Variants in SPPL3 observed in about 807,000 individuals in gnomAD.
SPPL3 encodes the protein signal peptide peptidase like 3.
Under a neutral mutation model 42.4 loss-of-function variants are expected in SPPL3, and 5 were observed. The ratio of observed to expected loss-of-function variants is 0.12; its 90% CI spans 0.06 to 0.25. The LOEUF is 0.25. SPPL3 is among the 10% of genes least tolerant of loss of function. SPPL3 has a pLI of 1.00. For missense variants in SPPL3, 235 were observed against 489.0 expected (o/e 0.48, Z 4.90); for synonymous variants, 195 against 181.8 (o/e 1.07, Z -0.58).
intron 3 of SPPL3, among the ~76,000 whole-genome samples, chr12:120,787,309 A>C (rs1487904904): frequency 6.6e-6 from 1 of 152,240 alleles, no homozygotes; most frequent in African/African-American, 2.4e-5. Flanking sequence ...TTATAACTGA[A>C]GTTTAGTAAA....
intron 6 of SPPL3, among the ~76,000 whole-genome samples, chr12:120,774,844 T>C (rs1231200771): frequency 6.6e-6 from 1 of 152,086 alleles, no homozygotes; most frequent in Non-Finnish European, 1.5e-5. Flanking sequence ...GACTCTCTCT[T>C]ATAGGTTTAC....
intron 2 of SPPL3, among the ~76,000 whole-genome samples, chr12:120,809,210 T>C (rs1419407576): frequency 6.6e-6 from 1 of 152,102 alleles, no homozygotes. Context: ...CCAGGCGTGG[T>C]GGCGGGCGCC....
chr12:120,870,237 G>A (rs1872880130), intron 1 of SPPL3, among the ~76,000 whole-genome samples: 1 of 152,172 alleles, frequency 6.6e-6, no homozygotes, highest in South Asian at 2.1e-4. Context: ...CCTGAGGTCA[G>A]GAGTTTGAGA....
rs188972096 is a variant in SPPL3, at chr12:120,769,276, T to C, written c.503-217A>G. 624 of 458,908 alleles carry C rather than the reference T, an allele frequency of 1.4e-3. 6 individuals are homozygous for C. The highest frequency in any genetic ancestry group is 0.011 in the African/African-American group (555 of 50,592). 28.4% of individuals were successfully genotyped at this position (458,908 alleles called of 1,614,324 possible). On this transcript the variant is annotated intron_variant, in intron 6 of 10. Coordinates refer to ENST00000353487, the MANE Select transcript of SPPL3 (RefSeq NM_139015.5). Reference sequence around the variant, plus strand: ...TTTGGGGTGATTGCTTTCCTCCTCCTAGACATAGTGCTCGGCTGTTGGAGA... The same window carrying C: ...TTTGGGGTGATTGCTTTCCTCCTCCCAGACATAGTGCTCGGCTGTTGGAGA...
intron 1 of SPPL3, chr12:120,845,614 C>A: frequency 2.2e-6 from 1 of 452,476 alleles, no homozygotes; most frequent in South Asian, 2.3e-5. Context: ...TCTTTTCTGT[C>A]AAAAAGGCCC....
In SPPL3 at chr12:120,833,682, A is replaced by AG. The variant is rs1220010474; in HGVS notation, c.24-22797_24-22796insC. Among the ~76,000 whole-genome samples the AG allele has an allele frequency of 2.4e-3, 143 of 59,456 alleles. 5 individuals carry two copies. Among genetic ancestry groups the AG allele is most frequent in the Middle Eastern group, 9.6e-3 (1 of 104 alleles). 39.0% of individuals were successfully genotyped at this position (59,456 alleles called of 152,430 possible). ...TCCATCTCTCCAAAAAAAAAAAAAG[A>AG]AAAAAAAAAAAAGGAAAAAGAGAAA... is the stretch of plus-strand genomic sequence containing the variant. On this transcript the variant is annotated intron_variant, in intron 1 of 10. Transcript: ENST00000353487.
At chr12:120,856,900 T>C (rs1872477867) in intron 1 of SPPL3, among the ~76,000 whole-genome samples, 1 of 152,116 alleles carries the variant, frequency 6.6e-6, no homozygotes, top group African/African-American at 2.4e-5. Flanking sequence ...GAACTAGGAA[T>C]AGCAGTTGAA....
chr12:120,839,035 G>A (rs563929270), intron 1 of SPPL3, among the ~76,000 whole-genome samples: 1 of 152,064 alleles, frequency 6.6e-6, no homozygotes, highest in East Asian at 1.9e-4. Flanking sequence ...TATAAATCAC[G>A]CTGCTATAAA....
At chr12:120,858,006 A>G (rs919311682) in intron 1 of SPPL3, among the ~76,000 whole-genome samples, 1 of 140,598 alleles carries the variant, frequency 7.1e-6, no homozygotes, top group East Asian at 2.0e-4. Flanking sequence ...AATTTTCATT[A>G]AAAATGAACA....
chr12:120,818,914 A>T (rs1011628379), intron 1 of SPPL3, among the ~76,000 whole-genome samples: 1 of 152,260 alleles, frequency 6.6e-6, no homozygotes, highest in Non-Finnish European at 1.5e-5. Context: ...AACAGAACAA[A>T]AAAATTAAGC....
intron 3 of SPPL3, among the ~76,000 whole-genome samples, chr12:120,785,460 G>C (rs1182477814): frequency 1.3e-5 from 2 of 151,870 alleles, no homozygotes; most frequent in Non-Finnish European, 2.9e-5. Flanking sequence ...CCAGCTAAAA[G>C]CTCCTCACAA....
intron 1 of SPPL3, among the ~76,000 whole-genome samples, chr12:120,884,300 G>A (rs550973828): frequency 4.6e-5 from 7 of 151,926 alleles, no homozygotes; most frequent in African/African-American, 9.7e-5. Flanking sequence ...GTTCATGAGC[G>A]TTCATTATGC....
intron 3 of SPPL3, among the ~76,000 whole-genome samples, chr12:120,787,981 A>G (rs999954668): frequency 1.3e-5 from 2 of 152,232 alleles, no homozygotes; most frequent in African/African-American, 2.4e-5. Flanking sequence ...GCACTCTTGC[A>G]CATGACTTGA....
At chr12:120,797,220 A>G (rs1467164758) in intron 2 of SPPL3, among the ~76,000 whole-genome samples, 2 of 152,124 alleles carry the variant, frequency 1.3e-5, no homozygotes, top group South Asian at 2.1e-4. Context: ...ATGTTCAAGG[A>G]TTCTGTGTAG....
At chr12:120,898,821 A>T (rs1873887040) in intron 1 of SPPL3, among the ~76,000 whole-genome samples, 1 of 152,154 alleles carries the variant, frequency 6.6e-6, no homozygotes, top group South Asian at 2.1e-4. Flanking sequence ...TGCTCGTAAA[A>T]CTCTATCACA....
At chr12:120,846,735 G>A (rs1872054181) in intron 1 of SPPL3, among the ~76,000 whole-genome samples, 7 of 152,196 alleles carry the variant, frequency 4.6e-5, no homozygotes, top group Admixed American at 3.3e-4. Context: ...TGGAAAGCTG[G>A]CAAAATGGAA....
chr12:120,808,244 A>G (rs896880422), intron 2 of SPPL3, among the ~76,000 whole-genome samples: 6 of 151,698 alleles, frequency 4.0e-5, no homozygotes, highest in Non-Finnish European at 8.8e-5. Flanking sequence ...TGCCCAGCTA[A>G]TTTTTGCATA....
chr12:120,796,160 G>C (rs1250820957), intron 2 of SPPL3, among the ~76,000 whole-genome samples: 1 of 152,148 alleles, frequency 6.6e-6, no homozygotes, highest in Non-Finnish European at 1.5e-5. Flanking sequence ...TGGATCACTT[G>C]ACGACAGGAG....
At chr12:120,862,296 A>T (rs1872636477) in intron 1 of SPPL3, among the ~76,000 whole-genome samples, 1 of 152,186 alleles carries the variant, frequency 6.6e-6, no homozygotes, top group East Asian at 1.9e-4. Context: ...CATGTCAATA[A>T]CCAATTTTCC....
Sources: gnomAD v4.1 joint callset for allele counts (sites outside exome capture counted in the v4.1 genomes callset) on GRCh38, gnomAD v4.1.1 for gene constraint, MANE v1.5 for transcripts, NCBI Gene and HGNC (gene_info 2026-07-23, HGNC 2026-07-21) for gene names.